Variants in STK32A observed in about 807,000 individuals in gnomAD.
STK32A encodes serine/threonine kinase 32A, also known as serine/threonine-protein kinase 32A.
A neutral mutation model predicts 53.2 loss-of-function variants in STK32A; 41 were observed. That is an observed-to-expected ratio of 0.77 (90% CI 0.60 to 1.00). The LOEUF (loss-of-function observed/expected upper bound fraction) is 1.00. STK32A is among the 50% of genes least tolerant of loss of function. The probability of loss-of-function intolerance (pLI) is 0.00; values close to 1 mark genes in which losing one functional copy is unlikely to be tolerated. For synonymous variants in STK32A, 166 were observed against 162.8 expected (o/e 1.02, Z -0.15); for missense variants, 458 against 485.8 (o/e 0.94, Z 0.54).
In STK32A at chr5:147,299,427, G is replaced by C. The variant is rs1753024479; in HGVS notation, c.260+20029G>C. Among the ~76,000 whole-genome samples, 4 of 152,098 alleles carry C rather than the reference G, an allele frequency of 2.6e-5. No individual in the cohort carries two copies. The South Asian group carries it at 8.3e-4, about 32-fold the overall frequency. The stretch of plus-strand genomic sequence containing the variant: ...ACCTCCTATCTCATCCTGTGACTTA[G>C]AATGCCTTAACTGTCTGGAAATGCA... On this transcript the variant is annotated intron_variant, in intron 4 of 12. Transcript: ENST00000397936.
chr5:147,294,137 T>C (rs911327045), intron 4 of STK32A, among the ~76,000 whole-genome samples: 1 of 152,240 alleles, frequency 6.6e-6, no homozygotes. Flanking sequence ...TTGAGATTAA[T>C]GTTCACTTTT....
At chr5:147,340,419 T>G (rs1458302082) in intron 5 of STK32A, among the ~76,000 whole-genome samples, 1 of 152,138 alleles carries the variant, frequency 6.6e-6, no homozygotes, top group African/African-American at 2.4e-5. Context: ...AAAGAAACAT[T>G]TTGTAAGTTA....
At chr5:147,401,682 C>A in the STK32A span, 1 of 1,614,068 alleles carries the variant, frequency 6.2e-7, no homozygotes, top group Non-Finnish European at 8.5e-7. Context: ...ATGGGCTCAC[C>A]AAAGACTACA....
At chr5:147,282,885 A>C (rs1226278012) in intron 4 of STK32A, among the ~76,000 whole-genome samples, 1 of 152,250 alleles carries the variant, frequency 6.6e-6, no homozygotes, top group Non-Finnish European at 1.5e-5. Context: ...TAGACAGGTC[A>C]TCAAGAGAGA....
chr5:147,282,932 T>G (rs1180995129), intron 4 of STK32A, among the ~76,000 whole-genome samples: 1 of 152,112 alleles, frequency 6.6e-6, no homozygotes, highest in African/African-American at 2.4e-5. Flanking sequence ...AACTATACCT[T>G]GAAACAAATG....
chr5:147,267,522 T>C (rs1754859912), intron 2 of STK32A, among the ~76,000 whole-genome samples: 1 of 152,202 alleles, frequency 6.6e-6, no homozygotes, highest in South Asian at 2.1e-4. Context: ...TGGTAAAAAG[T>C]AAATAAGATA....
intron 4 of STK32A, among the ~76,000 whole-genome samples, chr5:147,320,939 A>G (rs1754283382): frequency 6.6e-6 from 1 of 152,216 alleles, no homozygotes. Context: ...CCTGGATGAC[A>G]TGATAAAACT....
At chr5:147,376,193 A>C (rs1472112552) in intron 11 of STK32A, among the ~76,000 whole-genome samples, 2 of 152,168 alleles carry the variant, frequency 1.3e-5, no homozygotes, top group Non-Finnish European at 2.9e-5. Context: ...TATATATTTC[A>C]ATGGACAATT....
intron 2 of STK32A, among the ~76,000 whole-genome samples, chr5:147,250,118 G>C (rs1753921432): frequency 6.6e-6 from 1 of 152,028 alleles, no homozygotes; most frequent in Non-Finnish European, 1.5e-5. Flanking sequence ...GTTTTTGCTT[G>C]AGTAGTTATG....
the STK32A span, among the ~76,000 whole-genome samples, chr5:147,396,207 C>T: frequency 2.0e-5 from 3 of 152,184 alleles, no homozygotes; most frequent in Non-Finnish European, 4.4e-5. Flanking sequence ...TCACACTCTT[C>T]AGCACACACC....
At chr5:147,320,626 A>G (rs1754265142) in intron 4 of STK32A, among the ~76,000 whole-genome samples, 1 of 152,218 alleles carries the variant, frequency 6.6e-6, no homozygotes, top group Admixed American at 6.5e-5. Flanking sequence ...AATTCTGTGT[A>G]AGCATATGGC....
intron 4 of STK32A, among the ~76,000 whole-genome samples, chr5:147,295,441 C>A (rs367858295): frequency 6.6e-6 from 1 of 152,168 alleles, no homozygotes; most frequent in East Asian, 1.9e-4. Flanking sequence ...TAAGCAAGAA[C>A]CCGAAAGCTA....
At chr5:147,280,489 G>A (rs1329715197) in intron 4 of STK32A, among the ~76,000 whole-genome samples, 1 of 151,928 alleles carries the variant, frequency 6.6e-6, no homozygotes, top group African/African-American at 2.4e-5. Flanking sequence ...GTTTTCATGG[G>A]AGCTGGGTGA....
intron 4 of STK32A, among the ~76,000 whole-genome samples, chr5:147,321,083 AC>A (rs1205596706): frequency 6.6e-6 from 1 of 152,320 alleles, no homozygotes; most frequent in East Asian, 1.9e-4. Context: ...AGGGTGGTGA[AC>A]TTTTATTAGT....
intron 2 of STK32A, among the ~76,000 whole-genome samples, chr5:147,269,941 T>A (rs1238707040): frequency 2.0e-5 from 3 of 152,186 alleles, no homozygotes; most frequent in Non-Finnish European, 4.4e-5. Flanking sequence ...GCAGAATGAC[T>A]TTTTGGGAAC....
At chr5:147,305,405 T>C (rs1753356190) in intron 4 of STK32A, among the ~76,000 whole-genome samples, 1 of 152,044 alleles carries the variant, frequency 6.6e-6, no homozygotes, top group Non-Finnish European at 1.5e-5. Context: ...GTGGGCATTA[T>C]TTAGAGAGAA....
At chr5:147,373,325 C>A in intron 10 of STK32A, 31 bp downstream of exon 10, 1 of 1,611,452 alleles carries the variant, frequency 6.2e-7, no homozygotes, top group Non-Finnish European at 8.5e-7. Context: ...CCAAATAACT[C>A]CCATTCAGTG....
At position 147,338,821 on chromosome 5, in the gene STK32A, G is replaced by A. The variant is rs12522616; in HGVS notation, c.435-4185G>A. Among the ~76,000 whole-genome samples the A allele has an allele frequency of 0.013, 2,054 of 152,288 alleles. 138 individuals are homozygous for A. In the East Asian group the frequency reaches 0.2, roughly 15 times the overall value. On this transcript the variant is annotated intron_variant, in intron 5 of 12. Coordinates refer to ENST00000397936, the MANE Select transcript of STK32A (RefSeq NM_001112724.2). Reference sequence around the variant, plus strand: ...TGAGAGAGATAATTTAGGGTATCTGGTGGAAGAAATTTCTAAACAGCAAAG... The same window carrying A: ...TGAGAGAGATAATTTAGGGTATCTGATGGAAGAAATTTCTAAACAGCAAAG...
At chr5:147,351,244 C>T in intron 7 of STK32A, 90 bp downstream of exon 7, 1 of 1,116,736 alleles carries the variant, frequency 9.0e-7, no homozygotes, top group Non-Finnish European at 1.3e-6. Flanking sequence ...GCAGCTAGAA[C>T]TGGTAAGTTC....
Sources: allele counts gnomAD v4.1 joint callset (sites outside exome capture counted in the v4.1 genomes callset), GRCh38; gene constraint gnomAD v4.1.1; transcripts MANE v1.5; gene names NCBI Gene and HGNC (gene_info 2026-07-23, HGNC 2026-07-21).